The following ARHGAP32 variants were observed in gnomAD, a reference collection of about 807,000 sequenced individuals.
ARHGAP32 encodes Rho GTPase activating protein 32.
ARHGAP32 carries 51 observed loss-of-function variants against 186.5 expected under a neutral mutation model. The observed-to-expected ratio is 0.27, with a 90% confidence interval of 0.22 to 0.35. The LOEUF (loss-of-function observed/expected upper bound fraction) is 0.35. ARHGAP32 is among the 10% of genes least tolerant of loss of function. The pLI is 1.00. For synonymous variants in ARHGAP32, 950 were observed against 964.3 expected (o/e 0.99, Z 0.27); for missense variants, 2,186 against 2,623.5 (o/e 0.83, Z 3.64).
chr11:129,064,417 C>T (rs1940619374), intron 8 of ARHGAP32, among the ~76,000 whole-genome samples: 1 of 152,080 alleles, frequency 6.6e-6, no homozygotes, highest in South Asian at 2.1e-4. Flanking sequence ...TATAACTCTA[C>T]ATATGCACAT....
Position 128,969,476 on chromosome 11 carries a change from G to A in ARHGAP32, c.5737C>T (p.Gln1913Ter), listed in dbSNP as rs754498145. The part of the protein sequence containing the change: ...CESKNGPPYP[Q>*]GAGQLDYGSK... ...CCATAATCTAACTGGCCAGCTCCCT[G>A]GGGATAAGGGGGCCCATTCTTTGAC... Residue 1913 changes from glutamine to a stop codon, truncating the protein, a stop_gained, in exon 23 of 23, where the codon CAG becomes TAG. Coordinates refer to ENST00000682385, the MANE Select transcript of ARHGAP32 (RefSeq NM_001378024.1). LOFTEE classifies it high-confidence loss of function. The surrounding 1 kb of genome is among the most constrained non-coding windows in gnomAD (Gnocchi z 4.8). 6.2e-7 allele frequency: 1 copy of A among 1,614,168 alleles called. No homozygotes were observed. The highest frequency in any genetic ancestry group is 2.2e-5 in the East Asian group (1 of 44,888).
At chr11:129,274,334 C>T (rs1739979832) in intron 1 of ARHGAP32, among the ~76,000 whole-genome samples, 1 of 152,158 alleles carries the variant, frequency 6.6e-6, no homozygotes, top group South Asian at 2.1e-4. Context: ...ATCTCATCTT[C>T]TTTAGGTCTA....
At chr11:129,062,896 A>C (rs988612444) in intron 9 of ARHGAP32, among the ~76,000 whole-genome samples, 5 of 132,064 alleles carry the variant, frequency 3.8e-5, no homozygotes, top group Non-Finnish European at 8.6e-5. Context: ...TGACAACTAC[A>C]CTTCTTTCAA....
intron 10 of ARHGAP32, among the ~76,000 whole-genome samples, chr11:129,043,880 T>C (rs1317251288): frequency 1.3e-5 from 2 of 152,282 alleles, no homozygotes; most frequent in East Asian, 3.9e-4. Flanking sequence ...CATATAGTAA[T>C]TTTTAGTTGG....
intron 5 of ARHGAP32, among the ~76,000 whole-genome samples, chr11:129,103,231 A>C (rs1466095761): frequency 6.6e-6 from 1 of 152,296 alleles, no homozygotes; most frequent in East Asian, 1.9e-4. Flanking sequence ...TAAAACTATG[A>C]AAAAAAGTTC....
upstream of ARHGAP32, among the ~76,000 whole-genome samples, chr11:129,279,531 C>G (rs1236637134): frequency 1.4e-5 from 2 of 146,176 alleles, no homozygotes; most frequent in Non-Finnish European, 1.5e-5. Context: ...CCCCGCCCAG[C>G]TGGCCGGCGC....
At chr11:129,230,095 G>A (rs1944838139) in intron 1 of ARHGAP32, among the ~76,000 whole-genome samples, 1 of 152,104 alleles carries the variant, frequency 6.6e-6, no homozygotes, top group African/African-American at 2.4e-5. Flanking sequence ...TTACAAGCAC[G>A]AACCATTGTG....
chr11:129,097,049 G>A (rs1941749651), intron 5 of ARHGAP32, among the ~76,000 whole-genome samples: 1 of 152,056 alleles, frequency 6.6e-6, no homozygotes, highest in Non-Finnish European at 1.5e-5. Flanking sequence ...AGCAGTCCCT[G>A]GGGAAGAAGG....
intron 12 of ARHGAP32, among the ~76,000 whole-genome samples, chr11:128,988,742 C>T (rs1432143806): frequency 1.3e-5 from 2 of 152,164 alleles, no homozygotes; most frequent in Non-Finnish European, 2.9e-5. Context: ...ACTTTATTGA[C>T]ATTTTGACTT....
rs1208235760 is a variant in ARHGAP32 at position 128,972,475 on chromosome 11, A to C, written c.4031T>G (p.Ile1344Arg). Reference sequence around the variant, plus strand: ...TACCTTGTGGGAATTATTTAATCCTATATTGGTTGCTGCTTGTACCTGCCC... The same window carrying C: ...TACCTTGTGGGAATTATTTAATCCTCTATTGGTTGCTGCTTGTACCTGCCC... ...VVGQVQAATN[I>R]GLNNSHKVQG... Residue 1344 changes from isoleucine (I) to arginine (R), a missense_variant, in exon 22 of 23, where the codon ATA becomes AGA. Around this residue, in one of 5 missense-constraint regions of ARHGAP32, gnomAD observed 1,502 missense variants for 1,570.0 expected, o/e 0.96. Transcript: ENST00000682385. 36 of 1,520,824 alleles carry C rather than the reference A, an allele frequency of 2.4e-5. No homozygotes were observed. Among genetic ancestry groups the C allele is most frequent in the Non-Finnish European group, 2.9e-5 (33 of 1,135,754 alleles). 94.2% of individuals were successfully genotyped at this position (1,520,824 alleles called of 1,614,324 possible). A position where few individuals can be genotyped will look rare whatever the true frequency, so the allele number is the denominator to read the frequency against.
intron 1 of ARHGAP32, among the ~76,000 whole-genome samples, chr11:129,270,236 G>C (rs1225428373): frequency 6.6e-6 from 1 of 152,100 alleles, no homozygotes; most frequent in African/African-American, 2.4e-5. Context: ...AAACTTAAAT[G>C]TTTATCCTAA....
intron 2 of ARHGAP32, among the ~76,000 whole-genome samples, chr11:129,142,799 C>T (rs551994636): frequency 1.3e-5 from 2 of 151,292 alleles, no homozygotes; most frequent in Non-Finnish European, 2.9e-5. Context: ...ATAAGGCTAA[C>T]AAAAAGCATC....
chr11:129,063,673 C>T (rs1242822783), intron 9 of ARHGAP32, among the ~76,000 whole-genome samples: 1 of 151,952 alleles, frequency 6.6e-6, no homozygotes, highest in Non-Finnish European at 1.5e-5. Flanking sequence ...GGAGGGAGAT[C>T]AAGAATGACT....
At chr11:129,116,260 G>T (rs1942366127) in intron 5 of ARHGAP32, among the ~76,000 whole-genome samples, 1 of 151,956 alleles carries the variant, frequency 6.6e-6, no homozygotes, top group South Asian at 2.1e-4. Flanking sequence ...TAAGTAAACT[G>T]CCTGTAAATT....
chr11:129,196,070 A>G (rs1944386901), upstream of ARHGAP32, among the ~76,000 whole-genome samples: 1 of 152,208 alleles, frequency 6.6e-6, no homozygotes, highest in South Asian at 2.1e-4. Flanking sequence ...TCCAAGAGGT[A>G]GGGAACCTGA....
intron 1 of ARHGAP32, among the ~76,000 whole-genome samples, chr11:129,215,508 C>T (rs1428091514): frequency 5.9e-5 from 9 of 152,176 alleles, no homozygotes; most frequent in Non-Finnish European, 1.5e-5. Context: ...GGGCTAACAT[C>T]AAGGTTTCAG....
intron 6 of ARHGAP32, among the ~76,000 whole-genome samples, chr11:129,068,076 G>C (rs75661302): frequency 6.6e-6 from 1 of 152,054 alleles, no homozygotes; most frequent in African/African-American, 2.4e-5. Context: ...TATTCTAAGA[G>C]ATGCTAATTC....
intron 11 of ARHGAP32, among the ~76,000 whole-genome samples, chr11:129,032,050 T>C (rs957117170): frequency 1.3e-5 from 2 of 152,070 alleles, no homozygotes; most frequent in African/African-American, 4.8e-5. Flanking sequence ...CTCAATAAAA[T>C]CCTCCACATT....
At chr11:129,126,920 G>T (rs547275904) in intron 2 of ARHGAP32, among the ~76,000 whole-genome samples, 1 of 151,984 alleles carries the variant, frequency 6.6e-6, no homozygotes, top group South Asian at 2.1e-4. Context: ...TAACAGGTTC[G>T]CCAAGCTTAG....
Sources: gnomAD v4.1 joint callset for allele counts (sites outside exome capture counted in the v4.1 genomes callset) on GRCh38, gnomAD v4.1.1 for gene constraint, gnomAD v4.1.1 regional missense constraint, Gnocchi (gnomAD v3.1) non-coding constraint, MANE v1.5 for transcripts, NCBI Gene and HGNC (gene_info 2026-07-23, HGNC 2026-07-21) for gene names.